Variants in CNTNAP2 observed in about 807,000 individuals in gnomAD.
CNTNAP2 encodes the protein contactin-associated protein-like 2.
CNTNAP2 carries 98 observed loss-of-function variants against 155.2 expected under a neutral mutation model. The observed-to-expected ratio is 0.63, with a 90% CI of 0.54 to 0.75. CNTNAP2 has a LOEUF of 0.75. Ranked by LOEUF, CNTNAP2 falls within the 30% of genes least tolerant of loss-of-function variation. CNTNAP2 has a pLI of 0.00. For synonymous variants in CNTNAP2, 651 were observed against 631.2 expected (o/e 1.03, Z -0.47); for missense variants, 1,727 against 1,688.1 (o/e 1.02, Z -0.40).
chr7:146,675,968 C>T (rs928546661), intron 1 of CNTNAP2, among the ~76,000 whole-genome samples: 27 of 152,078 alleles, frequency 1.8e-4, no homozygotes, highest in African/African-American at 2.9e-4. Flanking sequence ...ATTTGGTTCT[C>T]GAGCTAGTTC....
chr7:146,512,238 A>G (rs1019503382), intron 1 of CNTNAP2, among the ~76,000 whole-genome samples: 4 of 151,634 alleles, frequency 2.6e-5, no homozygotes, highest in African/African-American at 7.3e-5. Context: ...TTAAAAATCA[A>G]CTTTTCATTT....
chr7:147,302,528 C>T (rs1441051417), intron 9 of CNTNAP2, among the ~76,000 whole-genome samples: 2 of 152,156 alleles, frequency 1.3e-5, no homozygotes, highest in Non-Finnish European at 2.9e-5. Flanking sequence ...TTTGTTATAT[C>T]GTCATTAGCT....
At chr7:147,420,654 A>G (rs943450240) in intron 10 of CNTNAP2, among the ~76,000 whole-genome samples, 2 of 152,242 alleles carry the variant, frequency 1.3e-5, no homozygotes, top group African/African-American at 2.4e-5. Context: ...CAAAAAATTC[A>G]TTTAAATAAA....
chr7:146,447,530 T>C (rs115326325), intron 1 of CNTNAP2, among the ~76,000 whole-genome samples: 1 of 152,048 alleles, frequency 6.6e-6, no homozygotes, highest in South Asian at 2.1e-4. Context: ...GAATATATAC[T>C]GACAAAGACA....
chr7:146,190,339 T>A (rs1275817576), intron 1 of CNTNAP2, among the ~76,000 whole-genome samples: 1 of 147,452 alleles, frequency 6.8e-6, no homozygotes, highest in Non-Finnish European at 1.5e-5. Flanking sequence ...TGTCGTTGAG[T>A]TGTACTTCAT....
chr7:147,304,341 A>G (rs1182438176), intron 9 of CNTNAP2, among the ~76,000 whole-genome samples: 3 of 152,156 alleles, frequency 2.0e-5, no homozygotes, highest in Non-Finnish European at 4.4e-5. Flanking sequence ...ATAACACTCC[A>G]TTAATGTTAA....
intron 1 of CNTNAP2, among the ~76,000 whole-genome samples, chr7:146,760,187 G>A (rs1563219517): frequency 1.3e-5 from 2 of 151,926 alleles, no homozygotes; most frequent in East Asian, 3.9e-4. Flanking sequence ...AGGTAAATGA[G>A]CCCAAATCCA....
intron 13 of CNTNAP2, among the ~76,000 whole-genome samples, chr7:147,782,408 A>G (rs1453686028): frequency 2.6e-5 from 4 of 152,168 alleles, no homozygotes; most frequent in Non-Finnish European, 5.9e-5. Flanking sequence ...ATACCTTAAA[A>G]TGGGTAATTT....
intron 1 of CNTNAP2, among the ~76,000 whole-genome samples, chr7:146,439,344 A>G (rs1383819917): frequency 8.5e-4 from 2 of 2,356 alleles, no homozygotes; most frequent in African/African-American, 7.3e-3. Context: ...TTTGACATGA[A>G]AACATTTCTT....
intron 1 of CNTNAP2, among the ~76,000 whole-genome samples, chr7:146,640,860 T>A (rs1585019863): frequency 1.3e-5 from 2 of 152,092 alleles, no homozygotes; most frequent in Admixed American, 1.3e-4. Flanking sequence ...AGGAAACAAA[T>A]CTCACTGTTA....
intron 16 of CNTNAP2, among the ~76,000 whole-genome samples, chr7:148,127,077 G>A (rs1487296641): frequency 2.6e-5 from 4 of 152,132 alleles, no homozygotes; most frequent in African/African-American, 7.2e-5. Context: ...GGCCGAGGTG[G>A]GCAGATTGCT....
intron 1 of CNTNAP2, among the ~76,000 whole-genome samples, chr7:146,257,234 T>C (rs955512191): frequency 6.6e-6 from 1 of 152,194 alleles, no homozygotes; most frequent in African/African-American, 2.4e-5. Flanking sequence ...ATGAGAAATA[T>C]ACAGGAGTAC....
chr7:148,328,513 A>C (rs747754571), intron 21 of CNTNAP2, among the ~76,000 whole-genome samples: 21,256 of 103,484 alleles, frequency 0.21, 2,230 homozygotes, highest in East Asian at 0.46. Flanking sequence ...GGTGTTCAAT[A>C]GGCCTTGGGG....
intron 11 of CNTNAP2, among the ~76,000 whole-genome samples, chr7:147,486,889 C>CCGTGTGTGTGTGTGTGTG (rs71527815): frequency 6.1e-5 from 9 of 146,842 alleles, no homozygotes; most frequent in South Asian, 2.2e-4. Context: ...ACGTATGTGC[C>CCGTGTGTGTGTGTGTGTG]TGTGTGTGTG....
chr7:147,472,204 C>CTTTTT (rs542047274), intron 10 of CNTNAP2, among the ~76,000 whole-genome samples: 3 of 81,072 alleles, frequency 3.7e-5, no homozygotes, highest in African/African-American at 1.0e-4. Flanking sequence ...TCTTTTTTTC[C>CTTTTT]TTTTTTTTTT....
intron 15 of CNTNAP2, among the ~76,000 whole-genome samples, chr7:148,062,902 T>C (rs996089788): frequency 1.3e-5 from 2 of 151,878 alleles, no homozygotes; most frequent in Non-Finnish European, 2.9e-5. Context: ...TCCAGCAAAA[T>C]TGGTTAAGAA....
chr7:147,851,780 A>T, intron 13 of CNTNAP2, among the ~76,000 whole-genome samples: 1 of 148,520 alleles, frequency 6.7e-6, no homozygotes. Flanking sequence ...GGAGGGGGGA[A>T]GGATAGCATT....
At chr7:146,638,908 G>A (rs1181872213) in intron 1 of CNTNAP2, among the ~76,000 whole-genome samples, 1 of 152,136 alleles carries the variant, frequency 6.6e-6, no homozygotes, top group African/African-American at 2.4e-5. Flanking sequence ...ACCTAAGGCT[G>A]TATGGTATAA....
At chr7:148,275,660 C>T (rs560775410) in intron 21 of CNTNAP2, among the ~76,000 whole-genome samples, 6 of 152,334 alleles carry the variant, frequency 3.9e-5, no homozygotes, top group African/African-American at 1.4e-4. Context: ...TTTGGGGCCA[C>T]GAGCCAGGGG....
Sources: gnomAD v4.1 joint callset for allele counts (sites outside exome capture counted in the v4.1 genomes callset) on GRCh38, gnomAD v4.1.1 for gene constraint, MANE v1.5 for transcripts, NCBI Gene and HGNC (gene_info 2026-07-23, HGNC 2026-07-21) for gene names.